KSR1: variants seen among roughly 807,000 people sequenced by gnomAD.
KSR1 encodes kinase suppressor of ras 1.
KSR1 carries 35 observed loss-of-function variants against 92.9 expected under a neutral mutation model. The ratio of observed to expected loss-of-function variants is 0.38; its 90% CI spans 0.29 to 0.50. KSR1 has a LOEUF of 0.50. KSR1 is among the 20% of genes least tolerant of loss of function. The pLI is 0.94. For missense variants in KSR1, 972 were observed against 1,158.5 expected, an observed-to-expected ratio of 0.84 and a Z score of 2.34; for synonymous variants, 467 against 472.6, an observed-to-expected ratio of 0.99 and a Z score of 0.15.
At chr17:27,600,153 GA>G (rs1165755264) in intron 10 of KSR1, among the ~76,000 whole-genome samples, 1 of 118,502 alleles carries the variant, frequency 8.4e-6, no homozygotes, top group East Asian at 2.7e-4. Flanking sequence ...ATGATTAAAA[GA>G]CTGGATGTGG....
At chr17:27,562,791 C>CT (rs2071886589) in intron 2 of KSR1, among the ~76,000 whole-genome samples, 1 of 152,188 alleles carries the variant, frequency 6.6e-6, no homozygotes, top group Non-Finnish European at 1.5e-5. Context: ...AGCTATGTAC[C>CT]TTTGGGGGAG....
intron 2 of KSR1, among the ~76,000 whole-genome samples, chr17:27,574,224 A>G (rs1408826216): frequency 6.6e-6 from 1 of 152,266 alleles, no homozygotes. Context: ...GAGGGCAAAG[A>G]TATCCAAACC....
chr17:27,575,419 G>A (rs901539200), intron 2 of KSR1, among the ~76,000 whole-genome samples: 44 of 152,222 alleles, frequency 2.9e-4, no homozygotes, highest in Admixed American at 1.1e-3. Flanking sequence ...GCATGCTAAT[G>A]CATTATAATG....
At chr17:27,591,322 C>T (rs1170700670) in intron 7 of KSR1, among the ~76,000 whole-genome samples, 1 of 152,174 alleles carries the variant, frequency 6.6e-6, no homozygotes, top group African/African-American at 2.4e-5. Context: ...TTTATTTTCT[C>T]ATGCCTTGTG....
intron 1 of KSR1, among the ~76,000 whole-genome samples, chr17:27,533,884 A>C (rs2070649472): frequency 6.6e-6 from 1 of 152,198 alleles, no homozygotes; most frequent in Non-Finnish European, 1.5e-5. Flanking sequence ...GCTTGGCAGC[A>C]TACCGCCTCT....
intron 9 of KSR1, among the ~76,000 whole-genome samples, chr17:27,593,418 C>G (rs1598104749): frequency 6.6e-6 from 1 of 152,314 alleles, no homozygotes; most frequent in East Asian, 1.9e-4. Context: ...CCTGCAGCCC[C>G]AGACCAGGGG....
intron 1 of KSR1, among the ~76,000 whole-genome samples, chr17:27,543,987 AAG>A (rs2071068278): frequency 6.6e-6 from 1 of 152,204 alleles, no homozygotes; most frequent in Non-Finnish European, 1.5e-5. Context: ...GGGAGGTAAT[AAG>A]AGAGAACCTG....
At chr17:27,535,621 A>T (rs558790907) in intron 1 of KSR1, among the ~76,000 whole-genome samples, 1 of 152,028 alleles carries the variant, frequency 6.6e-6, no homozygotes, top group Non-Finnish European at 1.5e-5. Context: ...TTCCTTCTGC[A>T]CTCTTCCCCA....
chr17:27,599,827 T>C (rs2073483025), intron 10 of KSR1, among the ~76,000 whole-genome samples: 1 of 152,170 alleles, frequency 6.6e-6, no homozygotes, highest in East Asian at 1.9e-4. Flanking sequence ...ACTTTTTTTT[T>C]GAATTTTTAT....
intron 1 of KSR1, among the ~76,000 whole-genome samples, chr17:27,537,186 G>T (rs1182410256): frequency 2.0e-5 from 3 of 152,222 alleles, no homozygotes; most frequent in African/African-American, 7.2e-5. Flanking sequence ...GCTGGGGGTT[G>T]TATTCCCAAA....
chr17:27,542,517 A>T (rs1373936740), intron 1 of KSR1, among the ~76,000 whole-genome samples: 3 of 152,140 alleles, frequency 2.0e-5, no homozygotes, highest in African/African-American at 7.2e-5. Flanking sequence ...CATAGCCAAG[A>T]TCATGGGTTT....
intron 2 of KSR1, among the ~76,000 whole-genome samples, chr17:27,556,364 C>T (rs2071596723): frequency 6.6e-6 from 1 of 151,920 alleles, no homozygotes; most frequent in Non-Finnish European, 1.5e-5. Flanking sequence ...CAGATGTGCG[C>T]ACCACTGCAC....
intron 11 of KSR1, chr17:27,601,895 C>T (rs1226385980): frequency 6.2e-7 from 1 of 1,608,038 alleles, no homozygotes; most frequent in South Asian, 1.1e-5. Flanking sequence ...CCACACAGTG[C>T]CATCTGCTGG....
chr17:27,555,358 TA>T (rs1459902269), intron 2 of KSR1, among the ~76,000 whole-genome samples: 2 of 152,242 alleles, frequency 1.3e-5, no homozygotes, highest in African/African-American at 4.8e-5. Flanking sequence ...TATATCAGTA[TA>T]GGCTCATGTC....
rs1397673542 is a variant in KSR1 at position 27,582,866 on chromosome 17, C to T, written c.741C>T (p.Leu247=). 9 of 1,613,418 alleles carry T rather than the reference C, an allele frequency of 5.6e-6. No homozygotes were observed. Among genetic ancestry groups the T allele is most frequent in the African/African-American group, 1.3e-5 (1 of 74,854 alleles). ...CCACCCCCAGCTTCAGTGAGGGCCT[C>T]TCAGACACCTGTATTCCCCTGCACG... is the stretch of plus-strand genomic sequence containing the variant. The part of the protein sequence containing the change: ...DSPTPSFSEG[L]SDTCIPLHAS... The change falls in exon 4 of 21, where the codon CTC becomes CTT. Residue 247 remains leucine (L), a synonymous_variant. Transcript: ENST00000644974.
At chr17:27,555,904 AT>A (rs2071577065) in intron 2 of KSR1, among the ~76,000 whole-genome samples, 1 of 152,216 alleles carries the variant, frequency 6.6e-6, no homozygotes, top group Non-Finnish European at 1.5e-5. Context: ...GTGAAAGAAA[AT>A]TGCTGCATCC....
rs115971528 is a variant in KSR1, at chr17:27,478,944, T to C, written c.231+22070T>C. Reference sequence around the variant, plus strand: ...TCCATGCTCCTCCCTTCATCCATGCTCCTCCCTCCATTCATGCTCCTCCCT... The same window carrying C: ...TCCATGCTCCTCCCTTCATCCATGCCCCTCCCTCCATTCATGCTCCTCCCT... On this transcript the variant is annotated intron_variant, in intron 1 of 20. Transcript: ENST00000644974. 7.2e-3 allele frequency among the ~76,000 whole-genome samples: 1,097 copies of C among 151,348 alleles called. 11 individuals carry two copies. Among genetic ancestry groups the C allele is most frequent in the African/African-American group, 0.026 (1,055 of 41,120 alleles).
At chr17:27,575,431 G>T (rs991746603) in intron 2 of KSR1, among the ~76,000 whole-genome samples, 1 of 152,172 alleles carries the variant, frequency 6.6e-6, no homozygotes, top group Non-Finnish European at 1.5e-5. Context: ...ATTATAATGA[G>T]CATATAATGA....
chr17:27,486,610 G>A (rs937630303), intron 1 of KSR1, among the ~76,000 whole-genome samples: 6 of 152,188 alleles, frequency 3.9e-5, no homozygotes, highest in Admixed American at 1.3e-4. Flanking sequence ...CCGGGGATGG[G>A]GTAGGGAGGC....
Sources: gnomAD v4.1 joint callset for allele counts (sites outside exome capture counted in the v4.1 genomes callset) on GRCh38, gnomAD v4.1.1 for gene constraint, MANE v1.5 for transcripts, NCBI Gene and HGNC (gene_info 2026-07-23, HGNC 2026-07-21) for gene names.